Variants in SGCZ observed in about 807,000 individuals in gnomAD.
SGCZ encodes zeta-sarcoglycan.
A neutral mutation model predicts 41.3 loss-of-function variants in SGCZ; 40 were observed. The observed-to-expected ratio is 0.97, with a 90% confidence interval of 0.75 to 1.26. SGCZ has a LOEUF of 1.26. SGCZ is among the 50% of genes most tolerant of loss of function. SGCZ has a pLI of 0.00. For synonymous variants in SGCZ, 206 were observed against 137.5 expected (o/e 1.50, Z -3.49); for missense variants, 552 against 369.8 (o/e 1.49, Z -4.04).
intron 1 of SGCZ, among the ~76,000 whole-genome samples, chr8:15,005,854 A>C (rs1323258763): frequency 6.6e-6 from 1 of 152,208 alleles, no homozygotes; most frequent in East Asian, 1.9e-4. Context: ...GTTTCATTGT[A>C]ATATGACATT....
chr8:15,203,865 C>T (rs1800974951), intron 1 of SGCZ, among the ~76,000 whole-genome samples: 1 of 152,108 alleles, frequency 6.6e-6, no homozygotes. Flanking sequence ...ACACAATTTA[C>T]AAACAATTCA....
In SGCZ at chr8:15,007,733, A is replaced by G. The variant is rs1585465633; in HGVS notation, c.39+229852T>C. Among the ~76,000 whole-genome samples the G allele has an allele frequency of 2.0e-5, 3 of 152,340 alleles. No homozygotes were observed. The South Asian group carries it at 6.2e-4, about 32-fold the overall frequency. On this transcript the variant is annotated intron_variant, in intron 1 of 7. Coordinates refer to ENST00000382080, the MANE Select transcript of SGCZ (RefSeq NM_139167.4). The stretch of plus-strand genomic sequence containing the variant: ...TGTCATAATATTAAAATAAGTTGAA[A>G]TCATCAGGCTTAAGTATCACATTAA...
chr8:14,770,400 C>A (rs1385720733), intron 1 of SGCZ, among the ~76,000 whole-genome samples: 1 of 151,362 alleles, frequency 6.6e-6, no homozygotes, highest in East Asian at 1.9e-4. Flanking sequence ...TAATTATTTT[C>A]TATTCTTTCC....
At chr8:14,288,204 T>C (rs966010683) in intron 3 of SGCZ, among the ~76,000 whole-genome samples, 4 of 152,120 alleles carry the variant, frequency 2.6e-5, no homozygotes, top group Non-Finnish European at 5.9e-5. Flanking sequence ...CAGTGTATTA[T>C]AAAATTTAAT....
chr8:14,983,584 C>T (rs912038702), intron 1 of SGCZ, among the ~76,000 whole-genome samples: 2 of 151,994 alleles, frequency 1.3e-5, no homozygotes, highest in African/African-American at 4.8e-5. Flanking sequence ...GCCTCAAACG[C>T]TCCTCCTACC....
At chr8:14,924,245 G>C (rs184941093) in intron 1 of SGCZ, among the ~76,000 whole-genome samples, 323 of 152,202 alleles carry the variant, frequency 2.1e-3, no homozygotes, top group Non-Finnish European at 3.8e-3. Flanking sequence ...TAAGCATTTA[G>C]TAAGCTAGTT....
intron 1 of SGCZ, among the ~76,000 whole-genome samples, chr8:14,763,614 G>C (rs971384): frequency 0.014 from 2,154 of 151,994 alleles, 35 homozygotes; most frequent in Admixed American, 0.04. Flanking sequence ...AAAAGTTTAC[G>C]TAATGATCAT....
At chr8:14,380,305 C>G (rs1257054121) in intron 2 of SGCZ, among the ~76,000 whole-genome samples, 1 of 151,924 alleles carries the variant, frequency 6.6e-6, no homozygotes, top group African/African-American at 2.4e-5. Context: ...GATGCTTTTT[C>G]TTTTTCTTAA....
At chr8:14,257,989 T>G (rs973556103) in intron 3 of SGCZ, among the ~76,000 whole-genome samples, 2 of 152,088 alleles carry the variant, frequency 1.3e-5, no homozygotes, top group African/African-American at 2.4e-5. Context: ...TCGAAGCAAA[T>G]GAAATGTCGG....
rs193133556 is a variant in SGCZ, at chr8:14,746,302, G to A, written c.40-191376C>T. Among the ~76,000 whole-genome samples the A allele has an allele frequency of 2.0e-4, 31 of 152,036 alleles. 1 individual carries two copies. The East Asian group carries it at 4.1e-3, about 20-fold the overall frequency. Reference sequence around the variant, plus strand: ...CAAGATTTTTCACGTTCCACATTGCGTAAGTTTCACACATTTTCTTAAGTC... The same window carrying A: ...CAAGATTTTTCACGTTCCACATTGCATAAGTTTCACACATTTTCTTAAGTC... On this transcript the variant is annotated intron_variant, in intron 1 of 7. Transcript: ENST00000382080.
chr8:14,188,485 C>A (rs1001342403), intron 4 of SGCZ, among the ~76,000 whole-genome samples: 3 of 152,102 alleles, frequency 2.0e-5, no homozygotes, highest in Admixed American at 1.3e-4. Context: ...ATATTAAATG[C>A]TCAGAATATA....
intron 2 of SGCZ, among the ~76,000 whole-genome samples, chr8:14,493,453 G>C (rs1801905310): frequency 7.4e-6 from 1 of 134,974 alleles, no homozygotes; most frequent in South Asian, 2.4e-4. Context: ...AGCAAACTCT[G>C]CCTCCCAGGG....
At chr8:15,009,936 T>C (rs1418708532) in intron 1 of SGCZ, among the ~76,000 whole-genome samples, 1 of 152,214 alleles carries the variant, frequency 6.6e-6, no homozygotes, top group Non-Finnish European at 1.5e-5. Flanking sequence ...CTGCTATCTT[T>C]CTGTAACTCA....
chr8:14,659,750 T>C (rs534587423), intron 1 of SGCZ, among the ~76,000 whole-genome samples: 9 of 152,296 alleles, frequency 5.9e-5, no homozygotes, highest in African/African-American at 2.2e-4. Flanking sequence ...TTGATTAAAT[T>C]GTCTCCCAGC....
chr8:14,756,028 A>T (rs1438471909), intron 1 of SGCZ, among the ~76,000 whole-genome samples: 1 of 152,276 alleles, frequency 6.6e-6, no homozygotes, highest in South Asian at 2.1e-4. Context: ...GAGTGAAAAA[A>T]CAAACTGTGC....
intron 1 of SGCZ, among the ~76,000 whole-genome samples, chr8:14,773,935 A>T (rs1209475775): frequency 6.6e-6 from 1 of 152,322 alleles, no homozygotes; most frequent in South Asian, 2.1e-4. Context: ...ATTATTTTTT[A>T]TCTGGTCATA....
Position 14,743,685 on chromosome 8 carries a change from G to A in SGCZ, c.40-188759C>T, listed in dbSNP as rs553224480. 2.9e-4 allele frequency among the ~76,000 whole-genome samples: 44 copies of A among 151,918 alleles called. 1 individual carries two copies. The South Asian group carries it at 5.8e-3, about 20-fold the overall frequency. ...CCCCTCAGTTTGCTCTCCCCCGCCC[G>A]ACACCCATCAAGTTTATTCAGCCAT... On this transcript the variant is annotated intron_variant, in intron 1 of 7. Transcript: ENST00000382080.
chr8:15,075,429 G>A (rs530785146), intron 1 of SGCZ, among the ~76,000 whole-genome samples: 1 of 152,290 alleles, frequency 6.6e-6, no homozygotes, highest in Non-Finnish European at 1.5e-5. Flanking sequence ...AAGGAAATGA[G>A]CATGATGATC....
Position 14,936,315 on chromosome 8 carries a change from T to C in SGCZ, c.39+301270A>G, listed in dbSNP as rs1800081321. ...AGTCTTAAAATGCATTTAATATGTC[T>C]AACGTACCAAGCATCAAATCTTAGC... is the stretch of plus-strand genomic sequence containing the variant. On this transcript the variant is annotated intron_variant, in intron 1 of 7. Coordinates refer to ENST00000382080, the MANE Select transcript of SGCZ (RefSeq NM_139167.4). Among the ~76,000 whole-genome samples, 3 of 151,930 alleles carry C rather than the reference T, an allele frequency of 2.0e-5. No individual in the cohort carries two copies. In the South Asian group the frequency reaches 6.2e-4, roughly 31 times the overall value.
Sources: allele counts gnomAD v4.1 joint callset (sites outside exome capture counted in the v4.1 genomes callset), GRCh38; gene constraint gnomAD v4.1.1; transcripts MANE v1.5; gene names NCBI Gene and HGNC (gene_info 2026-07-23, HGNC 2026-07-21).